Variants in KIAA1217 observed in about 807,000 individuals in gnomAD.
The protein encoded by KIAA1217 is sickle tail protein homolog.
In KIAA1217, 88 loss-of-function variants were observed where a neutral mutation model predicts 163.9. The ratio of observed to expected loss-of-function variants is 0.54; its 90% CI spans 0.45 to 0.64. The LOEUF is 0.64. Ranked by LOEUF, KIAA1217 falls within the 30% of genes least tolerant of loss-of-function variation. The pLI, the probability that KIAA1217 is intolerant of heterozygous loss-of-function variation, is 0.00. For missense variants in KIAA1217, 2,372 were observed against 2,475.0 expected (o/e 0.96, Z 0.88); for synonymous variants, 903 against 923.1 (o/e 0.98, Z 0.39).
intron 8 of KIAA1217, among the ~76,000 whole-genome samples, chr10:24,500,389 A>C (rs1287768376): frequency 1.5e-5 from 1 of 68,802 alleles, no homozygotes; most frequent in African/African-American, 5.9e-5. Flanking sequence ...ACTCCAGAAG[A>C]GTGTGTGCGT....
intron 2 of KIAA1217, among the ~76,000 whole-genome samples, chr10:24,168,999 A>G (rs945479185): frequency 6.6e-6 from 1 of 152,156 alleles, no homozygotes; most frequent in African/African-American, 2.4e-5. Flanking sequence ...TGCATAATTC[A>G]CAAGACTCTA....
intron 2 of KIAA1217, among the ~76,000 whole-genome samples, chr10:24,032,433 G>A (rs1564623037): frequency 6.6e-6 from 1 of 152,068 alleles, no homozygotes; most frequent in Non-Finnish European, 1.5e-5. Flanking sequence ...TTCTTGTAGA[G>A]ATGGGATCTC....
chr10:23,814,134 G>A (rs1002029530), intron 1 of KIAA1217, among the ~76,000 whole-genome samples: 1 of 152,162 alleles, frequency 6.6e-6, no homozygotes, highest in Non-Finnish European at 1.5e-5. Flanking sequence ...ATCTCTGAGA[G>A]AGATGGCTTC....
chr10:24,286,622 G>A (rs569885767), intron 2 of KIAA1217, among the ~76,000 whole-genome samples: 32 of 152,196 alleles, frequency 2.1e-4, no homozygotes, highest in African/African-American at 7.5e-4. Flanking sequence ...AAATTTCAAG[G>A]ACATTATCCC....
intron 1 of KIAA1217, chr10:24,007,115 A>G (rs1206783609): frequency 6.6e-6 from 1 of 150,756 alleles, no homozygotes; most frequent in African/African-American, 2.4e-5. Context: ...TCATAGAGGT[A>G]TTTTATTCTT....
intron 2 of KIAA1217, among the ~76,000 whole-genome samples, chr10:24,378,227 C>T (rs1481383030): frequency 1.3e-5 from 2 of 152,128 alleles, no homozygotes; most frequent in African/African-American, 4.8e-5. Flanking sequence ...TTAATTGGAC[C>T]AGCTAAGTTC....
intron 3 of KIAA1217, among the ~76,000 whole-genome samples, chr10:24,390,524 G>T (rs1292718172): frequency 7.0e-6 from 1 of 143,274 alleles, no homozygotes; most frequent in Non-Finnish European, 1.5e-5. Context: ...AAGGAAGGAA[G>T]GAAGGAAAAT....
chr10:24,424,170 A>G (rs2058994238), intron 3 of KIAA1217, among the ~76,000 whole-genome samples: 1 of 151,846 alleles, frequency 6.6e-6, no homozygotes, highest in Non-Finnish European at 1.5e-5. Flanking sequence ...TTTGTCACCT[A>G]CTTTAAAAGC....
chr10:23,951,365 GC>G (rs1345447517), intron 1 of KIAA1217, among the ~76,000 whole-genome samples: 1 of 152,138 alleles, frequency 6.6e-6, no homozygotes. Context: ...AAAATGATTG[GC>G]CCAAGGTTCC....
At chr10:24,186,643 C>T (rs762312149) in intron 2 of KIAA1217, among the ~76,000 whole-genome samples, 6 of 152,120 alleles carry the variant, frequency 3.9e-5, no homozygotes, top group Admixed American at 6.5e-5. Flanking sequence ...GTAATCCCAC[C>T]ACTTTGAGAG....
chr10:24,428,632 C>T (rs12766881), intron 3 of KIAA1217, among the ~76,000 whole-genome samples: 10,802 of 151,992 alleles, frequency 0.071, 472 homozygotes, highest in East Asian at 0.14. Flanking sequence ...ATAAATCATT[C>T]GTTTATTCAT....
chr10:24,118,981 C>CT (rs1019240558), intron 2 of KIAA1217, among the ~76,000 whole-genome samples: 2 of 151,782 alleles, frequency 1.3e-5, no homozygotes, highest in African/African-American at 2.4e-5. Flanking sequence ...CCTAGTCAGC[C>CT]TTTTTTGCAT....
intron 5 of KIAA1217, among the ~76,000 whole-genome samples, chr10:24,468,308 A>C (rs1366123229): frequency 4.6e-5 from 7 of 152,178 alleles, no homozygotes; most frequent in African/African-American, 7.2e-5. Flanking sequence ...TTGTGGTTTT[A>C]AAACAAATGT....
chr10:24,405,217 A>G (rs2057076800), intron 3 of KIAA1217, among the ~76,000 whole-genome samples: 2 of 152,148 alleles, frequency 1.3e-5, no homozygotes, highest in Admixed American at 1.3e-4. Flanking sequence ...TTATTGCCCT[A>G]TAGTTATATA....
At chr10:24,115,557 T>A (rs2063019257) in intron 2 of KIAA1217, among the ~76,000 whole-genome samples, 1 of 152,212 alleles carries the variant, frequency 6.6e-6, no homozygotes, top group African/African-American at 2.4e-5. Flanking sequence ...TCTCTTCCTG[T>A]TCCCAGTGAG....
At chr10:23,843,996 G>A (rs1838906628) in intron 1 of KIAA1217, among the ~76,000 whole-genome samples, 1 of 152,146 alleles carries the variant, frequency 6.6e-6, no homozygotes, top group African/African-American at 2.4e-5. Context: ...AACCTTTCTA[G>A]AGAATTAATA....
chr10:23,920,154 TTTTG>T (rs1278493770), intron 1 of KIAA1217, among the ~76,000 whole-genome samples: 3 of 152,166 alleles, frequency 2.0e-5, no homozygotes, highest in South Asian at 2.1e-4. Context: ...ATTTAGGTTT[TTTTG>T]TTTGTTTGTT....
At chr10:23,810,852 T>TCA (rs1836989353) in intron 1 of KIAA1217, among the ~76,000 whole-genome samples, 1 of 123,244 alleles carries the variant, frequency 8.1e-6, no homozygotes, top group African/African-American at 3.2e-5. Context: ...GGTATATATA[T>TCA]TATATAGTAT....
chr10:24,002,011 C>T (rs746657634), intron 1 of KIAA1217, among the ~76,000 whole-genome samples: 8 of 152,072 alleles, frequency 5.3e-5, no homozygotes, highest in Non-Finnish European at 1.0e-4. Context: ...GTAGTTCAGC[C>T]GTGAGTTGGG....
Sources: allele counts gnomAD v4.1 joint callset (sites outside exome capture counted in the v4.1 genomes callset), GRCh38; gene constraint gnomAD v4.1.1; transcripts MANE v1.5; gene names NCBI Gene and HGNC (gene_info 2026-07-23, HGNC 2026-07-21).